The following COL26A1 variants were observed in gnomAD, a reference collection of about 807,000 sequenced individuals.
COL26A1 encodes the protein collagen type XXVI alpha 1 chain, also known as collagen alpha-1(XXVI) chain.
Under a neutral mutation model 59.3 loss-of-function variants are expected in COL26A1, and 41 were observed. The observed-to-expected ratio is 0.69, with a 90% confidence interval of 0.54 to 0.90. The LOEUF is 0.90. Ranked by LOEUF, COL26A1 falls within the 40% of genes least tolerant of loss-of-function variation. COL26A1 has a pLI of 0.00. For missense variants in COL26A1, 612 were observed against 602.3 expected, an observed-to-expected ratio of 1.02 and a Z score of -0.17; for synonymous variants, 266 against 256.0, an observed-to-expected ratio of 1.04 and a Z score of -0.37.
At chr7:101,414,628 G>T (rs1248726521) in intron 1 of COL26A1, among the ~76,000 whole-genome samples, 1 of 152,128 alleles carries the variant, frequency 6.6e-6, no homozygotes, top group East Asian at 1.9e-4. Context: ...TTAGAGACGA[G>T]GTTTTGCCAT....
At chr7:101,364,610 C>T (rs1303503222) in intron 1 of COL26A1, among the ~76,000 whole-genome samples, 2 of 151,456 alleles carry the variant, frequency 1.3e-5, no homozygotes, top group Non-Finnish European at 2.9e-5. Context: ...TTGCTTGCTC[C>T]CCAGGCTGGA....
At chr7:101,434,672 C>T (rs1269967210) in intron 2 of COL26A1, among the ~76,000 whole-genome samples, 2 of 152,016 alleles carry the variant, frequency 1.3e-5, no homozygotes, top group Non-Finnish European at 2.9e-5. Flanking sequence ...AGCATGGGGA[C>T]AGGGTGCGAG....
chr7:101,451,358 A>C (rs1793334333), intron 3 of COL26A1, among the ~76,000 whole-genome samples: 1 of 146,916 alleles, frequency 6.8e-6, no homozygotes, highest in Non-Finnish European at 1.5e-5. Flanking sequence ...CAATGTATGT[A>C]TTATATAAAT....
At chr7:101,380,159 T>G (rs1791413137) in intron 1 of COL26A1, among the ~76,000 whole-genome samples, 3 of 151,992 alleles carry the variant, frequency 2.0e-5, no homozygotes, top group Admixed American at 1.3e-4. Context: ...AGCTGGCTAA[T>G]TTTTGTATTT....
chr7:101,551,375 G>A (rs1795859533), intron 10 of COL26A1, among the ~76,000 whole-genome samples: 1 of 152,194 alleles, frequency 6.6e-6, no homozygotes, highest in Non-Finnish European at 1.5e-5. Flanking sequence ...CTGCAGCCCT[G>A]GATTAATGCA....
At chr7:101,536,119 G>A (rs1280054690) in intron 4 of COL26A1, among the ~76,000 whole-genome samples, 1 of 152,212 alleles carries the variant, frequency 6.6e-6, no homozygotes, top group African/African-American at 2.4e-5. Flanking sequence ...AGGTTCAAGT[G>A]ATTCTCCCGC....
intron 4 of COL26A1, among the ~76,000 whole-genome samples, chr7:101,534,113 C>T (rs1196494723): frequency 6.6e-6 from 1 of 152,214 alleles, no homozygotes; most frequent in Non-Finnish European, 1.5e-5. Flanking sequence ...CAAATATCTA[C>T]AAAGCCTCTT....
In COL26A1 at chr7:101,511,692, G is replaced by T. The variant is rs768705384; in HGVS notation, c.386-21390G>T. ...CCTTACAAAAAGGGGCCCATCAGAA[G>T]TGTTTCCCCACAGGCCAACAAAAGG... is the stretch of plus-strand genomic sequence containing the variant. On this transcript the variant is annotated intron_variant, in intron 3 of 12. Transcript: ENST00000313669. Among the ~76,000 whole-genome samples the T allele has an allele frequency of 3.9e-5, 6 of 152,328 alleles. No homozygotes were observed. The East Asian group carries it at 7.7e-4, about 20-fold the overall frequency.
At chr7:101,525,400 CTT>C (rs1320232378) in intron 3 of COL26A1, among the ~76,000 whole-genome samples, 2 of 151,220 alleles carry the variant, frequency 1.3e-5, no homozygotes, top group Non-Finnish European at 2.9e-5. Context: ...CCAGGATGGT[CTT>C]GATCTCCTGA....
chr7:101,443,155 C>T (rs1793103344), intron 2 of COL26A1, among the ~76,000 whole-genome samples: 1 of 152,080 alleles, frequency 6.6e-6, no homozygotes, highest in Admixed American at 6.6e-5. Flanking sequence ...GACCTTGGAA[C>T]TAAGGCTCTG....
intron 3 of COL26A1, among the ~76,000 whole-genome samples, chr7:101,472,261 C>A (rs1793923314): frequency 6.6e-6 from 1 of 152,210 alleles, no homozygotes; most frequent in African/African-American, 2.4e-5. Context: ...CGACCTTGGC[C>A]TCCCAAAGTG....
chr7:101,379,075 T>C (rs1215231206), intron 1 of COL26A1, among the ~76,000 whole-genome samples: 1 of 152,112 alleles, frequency 6.6e-6, no homozygotes, highest in African/African-American at 2.4e-5. Context: ...CAGTTGCCTC[T>C]GGCTTCTGAC....
At chr7:101,491,579 TTGA>T (rs1026905167) in intron 3 of COL26A1, among the ~76,000 whole-genome samples, 16 of 152,198 alleles carry the variant, frequency 1.1e-4, no homozygotes, top group Middle Eastern at 3.2e-3. Flanking sequence ...TGGTTATTTC[TTGA>T]TGATATGCTA....
intron 1 of COL26A1, among the ~76,000 whole-genome samples, chr7:101,386,478 C>T (rs765424680): frequency 1.3e-5 from 2 of 152,038 alleles, no homozygotes; most frequent in Non-Finnish European, 2.9e-5. Flanking sequence ...TGGAGTGCAG[C>T]GGTGCACCGC....
chr7:101,438,168 G>T (rs111675667), intron 2 of COL26A1, among the ~76,000 whole-genome samples: 2 of 151,158 alleles, frequency 1.3e-5, no homozygotes, highest in African/African-American at 4.8e-5. Context: ...TGGAGACCAG[G>T]CTAACCAACA....
At chr7:101,533,778 A>G (rs1795419698) in intron 4 of COL26A1, among the ~76,000 whole-genome samples, 1 of 149,926 alleles carries the variant, frequency 6.7e-6, no homozygotes, top group Non-Finnish European at 1.5e-5. Flanking sequence ...GGTTTTGAGA[A>G]CGTTTCAGGG....
chr7:101,381,059 C>G (rs1562955435), intron 1 of COL26A1, among the ~76,000 whole-genome samples: 1 of 152,142 alleles, frequency 6.6e-6, no homozygotes, highest in Non-Finnish European at 1.5e-5. Context: ...GCTGCTGTAA[C>G]AAATTACCAC....
At chr7:101,553,091 C>T (rs535263557) in intron 10 of COL26A1, 54 of 399,076 alleles carry the variant, frequency 1.4e-4, no homozygotes, top group African/African-American at 8.6e-4. Context: ...GAAGCACTTA[C>T]AGCCAACCCT....
At chr7:101,498,431 TAGAG>T (rs991024479) in intron 3 of COL26A1, among the ~76,000 whole-genome samples, 2 of 152,108 alleles carry the variant, frequency 1.3e-5, no homozygotes, top group Admixed American at 1.3e-4. Flanking sequence ...ACCAGAATGA[TAGAG>T]AGAGGAGACC....
Sources: allele counts gnomAD v4.1 joint callset (sites outside exome capture counted in the v4.1 genomes callset), GRCh38; gene constraint gnomAD v4.1.1; transcripts MANE v1.5; gene names NCBI Gene and HGNC (gene_info 2026-07-23, HGNC 2026-07-21).